PHACTR4: variants seen among roughly 807,000 people sequenced by gnomAD.
PHACTR4 encodes protein phosphatase 1, regulatory subunit 124.
In PHACTR4, 51 loss-of-function variants were observed where a neutral mutation model predicts 72.7. That is an observed-to-expected ratio of 0.70 (90% CI 0.56 to 0.89). The LOEUF (loss-of-function observed/expected upper bound fraction) is 0.89, where lower values mean the gene tolerates loss of function less well. PHACTR4 is among the 40% of genes least tolerant of loss of function. PHACTR4 has a pLI of 0.00. For synonymous variants in PHACTR4, 255 were observed against 302.5 expected (o/e 0.84, Z 1.63); for missense variants, 731 against 861.8 (o/e 0.85, Z 1.90).
At chr1:28,465,655 A>G in intron 4 of PHACTR4, 30 bp from the exon 5 acceptor site, 1 of 1,587,344 alleles carries the variant, frequency 6.3e-7, no homozygotes, top group South Asian at 1.2e-5. Flanking sequence ...TGCCAACTTC[A>G]TCACTTTGTA....
intron 13 of PHACTR4, among the ~76,000 whole-genome samples, chr1:28,494,641 G>GTT (rs1661234320): frequency 1.3e-5 from 2 of 152,236 alleles, no homozygotes; most frequent in South Asian, 4.1e-4. Context: ...AACAGAGCAA[G>GTT]ACTGTCTCTC....
At chr1:28,394,637 C>T (rs1279514040) in intron 1 of PHACTR4, among the ~76,000 whole-genome samples, 1 of 149,670 alleles carries the variant, frequency 6.7e-6, no homozygotes, top group Non-Finnish European at 1.5e-5. Flanking sequence ...GCTCTTGTTG[C>T]CCAGGCTGGA....
chr1:28,458,946 G>T, intron 2 of PHACTR4, 139 bp from the exon 3 acceptor site: 1 of 642,296 alleles, frequency 1.6e-6, no homozygotes, highest in Admixed American at 3.1e-5. Context: ...TGATGTCCAG[G>T]AGTCTCCCTG....
At chr1:28,434,869 A>T (rs1296914750) in intron 2 of PHACTR4, among the ~76,000 whole-genome samples, 2 of 152,042 alleles carry the variant, frequency 1.3e-5, no homozygotes, top group Admixed American at 6.6e-5. Context: ...TTGGCATTTA[A>T]ATTTGGCAGA....
At chr1:28,387,698 G>T (rs1461628931) in intron 1 of PHACTR4, among the ~76,000 whole-genome samples, 3 of 151,934 alleles carry the variant, frequency 2.0e-5, no homozygotes, top group Non-Finnish European at 4.4e-5. Flanking sequence ...ACCAGCCTGG[G>T]CAGCATAGCA....
At chr1:28,398,734 G>A (rs1653720500) in intron 1 of PHACTR4, among the ~76,000 whole-genome samples, 1 of 151,714 alleles carries the variant, frequency 6.6e-6, no homozygotes, top group Non-Finnish European at 1.5e-5. Flanking sequence ...CAGGAGAATT[G>A]CTTGAACCTG....
Position 28,486,603 on chromosome 1 carries a change from A to G in PHACTR4, c.1761-2567A>G, listed in dbSNP as rs140706557. On this transcript the variant is annotated intron_variant, in intron 9 of 13. Transcript: ENST00000373839. ...AGGCCCAGGCCAGGCATGGTGGCTCATGCCTGTAATCCCAACACTTTGGGA... is the reference window on the plus strand; with the variant it reads ...AGGCCCAGGCCAGGCATGGTGGCTCGTGCCTGTAATCCCAACACTTTGGGA... Among the ~76,000 whole-genome samples, 662 of 152,192 alleles carry G rather than the reference A, an allele frequency of 4.3e-3. 5 individuals carry two copies. Among genetic ancestry groups the G allele is most frequent in the African/African-American group, 0.015 (603 of 41,534 alleles).
intron 2 of PHACTR4, among the ~76,000 whole-genome samples, chr1:28,439,261 A>G: frequency 6.6e-6 from 1 of 151,712 alleles, no homozygotes; most frequent in Non-Finnish European, 1.5e-5. Context: ...ATGGAGCAGC[A>G]GAAAACATGT....
chr1:28,476,228 G>T lies in PHACTR4; in HGVS notation c.1543G>T (p.Asp515Tyr). 1 of 1,613,712 alleles carries T rather than the reference G, an allele frequency of 6.2e-7. No homozygotes were observed. The highest frequency in any genetic ancestry group is 1.1e-5 in the South Asian group (1 of 90,984). ...CLREEEEKES[D>Y]SDSEGPIQYR... ...ACGGGAGGAAGAAGAGAAGGAGAGC[G>T]ACTCTGATTCAGAAGGTCCCATTCA... The change falls in exon 8 of 14, where the codon GAC becomes TAC. Residue 515 changes from aspartate (D) to tyrosine (Y), a missense_variant. Around this residue, in one of 2 missense-constraint regions of PHACTR4, gnomAD observed 621 missense variants for 676.6 expected, o/e 0.92. Coordinates refer to ENST00000373839, the MANE Select transcript of PHACTR4 (RefSeq NM_001048183.3).
chr1:28,436,917 A>T (rs1656672172), intron 2 of PHACTR4, among the ~76,000 whole-genome samples: 1 of 152,176 alleles, frequency 6.6e-6, no homozygotes, highest in Admixed American at 6.6e-5. Flanking sequence ...ATCATATGGA[A>T]ATTATTGAGT....
In PHACTR4 at chr1:28,480,482, C is replaced by T. The variant is rs757989586; in HGVS notation, c.1638C>T (p.Asp546=). 1 of 1,614,128 alleles carries T rather than the reference C, an allele frequency of 6.2e-7. No individual in the cohort carries two copies. The highest frequency in any genetic ancestry group is 2.2e-5 in the East Asian group (1 of 44,880). Residue 546 remains aspartate, a synonymous_variant, in exon 9 of 14, where the codon GAC becomes GAT. Transcript: ENST00000373839. ...SALANKVKRK[D]TLAMKLNHRP... ...TCGCCAACAAAGTGAAGAGGAAAGA[C>T]ACACTGGCAATGAAGTTGAACCACA...
At chr1:28,483,691 C>T (rs1186160375) in intron 9 of PHACTR4, among the ~76,000 whole-genome samples, 1 of 147,126 alleles carries the variant, frequency 6.8e-6, no homozygotes, top group Non-Finnish European at 1.5e-5. Context: ...CCCAGCTACT[C>T]GGGAGGCTGA....
At position 28,404,166 on chromosome 1, in the gene PHACTR4, T is replaced by A. The variant is rs59094806; in HGVS notation, c.-38-3244T>A. ...GGTTTCACCATGTTGGCTAGGCTTG[T>A]CTCAAACTTCTGACCTCAAGTGATC... On this transcript the variant is annotated intron_variant, in intron 1 of 13. Transcript: ENST00000373839. Among the ~76,000 whole-genome samples the A allele has an allele frequency of 3.3e-3, 506 of 152,174 alleles. 3 individuals carry two copies. Among genetic ancestry groups the A allele is most frequent in the African/African-American group, 0.011 (463 of 41,526 alleles).
intron 1 of PHACTR4, among the ~76,000 whole-genome samples, chr1:28,371,303 T>C (rs1333499812): frequency 1.3e-5 from 2 of 152,222 alleles, no homozygotes; most frequent in Admixed American, 6.5e-5. Flanking sequence ...TTTATATTTA[T>C]TTATTTATTT....
At chr1:28,450,973 G>GTTTTTTTTTTTTTTTT (rs1557823481) in intron 2 of PHACTR4, among the ~76,000 whole-genome samples, 1 of 55,452 alleles carries the variant, frequency 1.8e-5, no homozygotes, top group Non-Finnish European at 3.6e-5. Context: ...ACCACACCCA[G>GTTTTTTTTTTTTTTTT]CTTTTTTTTT....
chr1:28,478,184 C>G (rs901322696), intron 8 of PHACTR4, among the ~76,000 whole-genome samples: 1 of 152,150 alleles, frequency 6.6e-6, no homozygotes, highest in Non-Finnish European at 1.5e-5. Flanking sequence ...TTTCACTTAA[C>G]GTAATTGTCC....
chr1:28,482,404 T>C (rs966072266), intron 9 of PHACTR4, among the ~76,000 whole-genome samples: 4 of 152,050 alleles, frequency 2.6e-5, no homozygotes, highest in African/African-American at 9.7e-5. Flanking sequence ...CCTTTCAAAG[T>C]GTTGGTATAT....
At chr1:28,400,189 A>G (rs1044025092) in intron 1 of PHACTR4, among the ~76,000 whole-genome samples, 3 of 152,096 alleles carry the variant, frequency 2.0e-5, no homozygotes, top group African/African-American at 4.8e-5. Context: ...CCTGGCCAAC[A>G]TGGTGAAACC....
chr1:28,369,846 A>G (rs1651076296), intron 1 of PHACTR4, 21 bp downstream of exon 1: 1 of 443,240 alleles, frequency 2.3e-6, no homozygotes, highest in South Asian at 1.6e-5. Flanking sequence ...CGAGCAAGGG[A>G]AAGTGAGCAG....
Sources: gnomAD v4.1 joint callset for allele counts (sites outside exome capture counted in the v4.1 genomes callset) on GRCh38, gnomAD v4.1.1 for gene constraint, gnomAD v4.1.1 regional missense constraint, MANE v1.5 for transcripts, NCBI Gene and HGNC (gene_info 2026-07-23, HGNC 2026-07-21) for gene names.